DPYS: variants seen among roughly 807,000 people sequenced by gnomAD.
DPYS encodes dihydropyrimidine amidohydrolase.
DPYS carries 39 observed loss-of-function variants against 50.3 expected under a neutral mutation model. The ratio of observed to expected loss-of-function variants is 0.78; its 90% CI spans 0.60 to 1.01. The LOEUF (loss-of-function observed/expected upper bound fraction) is 1.01, where lower values mean the gene tolerates loss of function less well. DPYS is among the 50% of genes least tolerant of loss of function. The pLI is 0.00. For synonymous variants in DPYS, 245 were observed against 250.7 expected (o/e 0.98, Z 0.22); for missense variants, 659 against 680.9 (o/e 0.97, Z 0.36).
chr8:104,445,985 C>A (rs1373970434), intron 3 of DPYS, among the ~76,000 whole-genome samples: 1 of 152,182 alleles, frequency 6.6e-6, no homozygotes, highest in Non-Finnish European at 1.5e-5. Context: ...GTGGAGCTGG[C>A]AGTGAGCTGA....
chr8:104,442,687 G>A (rs185073603), intron 4 of DPYS, among the ~76,000 whole-genome samples: 9 of 152,304 alleles, frequency 5.9e-5, no homozygotes, highest in Admixed American at 2.6e-4. Flanking sequence ...CATTTTAAAA[G>A]TGCACACAGC....
intron 6 of DPYS, among the ~76,000 whole-genome samples, chr8:104,425,511 G>T (rs1328181961): frequency 6.6e-6 from 1 of 151,966 alleles, no homozygotes; most frequent in Admixed American, 6.5e-5. Flanking sequence ...TCACCATGTT[G>T]CCCAGGCTGG....
chr8:104,381,394 C>A (rs147384850), intron 8 of DPYS, 80 bp from the exon 9 acceptor site: 2 of 1,262,722 alleles, frequency 1.6e-6, no homozygotes, highest in African/African-American at 1.5e-5. Flanking sequence ...TTATGAATTG[C>A]GAGAGCTTTA....
At chr8:104,453,897 G>C (rs1813840658) in intron 1 of DPYS, among the ~76,000 whole-genome samples, 1 of 152,188 alleles carries the variant, frequency 6.6e-6, no homozygotes, top group African/African-American at 2.4e-5. Flanking sequence ...GCTATGACAT[G>C]GGTGAAGTTT....
intron 1 of DPYS, among the ~76,000 whole-genome samples, chr8:104,463,185 T>A (rs1403161642): frequency 6.6e-6 from 1 of 152,212 alleles, no homozygotes; most frequent in African/African-American, 2.4e-5. Flanking sequence ...TAATATATCA[T>A]TTTTACTTTA....
chr8:104,419,659 C>T (rs1048843124), intron 7 of DPYS: 1 of 151,742 alleles, frequency 6.6e-6, no homozygotes, highest in Admixed American at 6.6e-5. Context: ...CAACCCGAAG[C>T]TTATAATTAG....
chr8:104,459,835 C>T (rs193108104), intron 1 of DPYS, among the ~76,000 whole-genome samples: 1 of 152,270 alleles, frequency 6.6e-6, no homozygotes, highest in Admixed American at 6.5e-5. Context: ...TGTCCCATAT[C>T]TCCTTCTAAG....
intron 4 of DPYS, among the ~76,000 whole-genome samples, chr8:104,443,072 C>T (rs567933882): frequency 6.6e-6 from 1 of 152,188 alleles, no homozygotes; most frequent in African/African-American, 2.4e-5. Context: ...ATGAATCTTA[C>T]AAAAATACAG....
chr8:104,438,985 C>T lies in DPYS; in HGVS notation c.793+5263G>A, dbSNP rs185125165. Among the ~76,000 whole-genome samples, 753 of 152,002 alleles carry T rather than the reference C, an allele frequency of 5.0e-3. 3 individuals carry two copies. Among genetic ancestry groups the T allele is most frequent in the Middle Eastern group, 0.014 (4 of 294 alleles). ...CCTGGAGGCTGAGGCAGGAAGATTG[C>T]TTGAGCCCAGGAAATTGAGGCTACA... is the stretch of plus-strand genomic sequence containing the variant. On this transcript the variant is annotated intron_variant, in intron 4 of 9. Transcript: ENST00000351513.
At chr8:104,420,739 A>G (rs533512869) in intron 7 of DPYS, 32 of 151,788 alleles carry the variant, frequency 2.1e-4, no homozygotes, top group African/African-American at 7.7e-4. Context: ...GAAAAGAAAG[A>G]CAAAAAGGTC....
chr8:104,447,612 A>T, intron 2 of DPYS, 109 bp from the exon 3 acceptor site: 1 of 1,280,330 alleles, frequency 7.8e-7, no homozygotes, highest in Non-Finnish European at 1.1e-6. Context: ...AAATAAGGAA[A>T]ATAAGGACAA....
chr8:104,422,768 C>T (rs764982174), intron 7 of DPYS, among the ~76,000 whole-genome samples: 5 of 152,190 alleles, frequency 3.3e-5, no homozygotes, highest in Non-Finnish European at 2.9e-5. Flanking sequence ...AAAAGGTCTG[C>T]CTGGTCCCAG....
chr8:104,427,029 CCTCT>C (rs942531535), intron 6 of DPYS, among the ~76,000 whole-genome samples: 5 of 151,746 alleles, frequency 3.3e-5, no homozygotes, highest in African/African-American at 1.2e-4. Context: ...GGTGAAACCC[CCTCT>C]CTATTAAAAA....
At chr8:104,427,907 A>G in intron 6 of DPYS, 73 bp downstream of exon 6, 2 of 1,610,704 alleles carry the variant, frequency 1.2e-6, no homozygotes, top group Non-Finnish European at 1.7e-6. Context: ...AATTTGTGCC[A>G]CTCTGGTCCT....
chr8:104,417,619 T>C (rs1395167822), intron 7 of DPYS, among the ~76,000 whole-genome samples: 3 of 141,304 alleles, frequency 2.1e-5, no homozygotes, highest in Non-Finnish European at 4.6e-5. Flanking sequence ...GTAGGACACA[T>C]ACTTCCGTCA....
chr8:104,399,424 T>G (rs1811714006), intron 7 of DPYS, among the ~76,000 whole-genome samples: 1 of 151,512 alleles, frequency 6.6e-6, no homozygotes, highest in South Asian at 2.1e-4. Flanking sequence ...GGAGCAGGCA[T>G]CATGTATCTT....
At chr8:104,451,618 C>T (rs1430422380) in intron 1 of DPYS, among the ~76,000 whole-genome samples, 3 of 151,798 alleles carry the variant, frequency 2.0e-5, no homozygotes, top group African/African-American at 4.8e-5. Flanking sequence ...ATTGCTTCTG[C>T]AAAAAGAATG....
chr8:104,466,810 G>A lies in DPYS; in HGVS notation c.111C>T (p.His37=), dbSNP rs370264718. 5.9e-6 allele frequency: 9 copies of A among 1,533,552 alleles called. No homozygotes were observed. The highest frequency in any genetic ancestry group is 1.4e-5 in the African/African-American group (1 of 72,558). 95.0% of individuals were successfully genotyped at this position (1,533,552 alleles called of 1,614,324 possible). ...VEDGVVRALG[H]DLLPPGGAPA... ...GAGCGCCCCCGGGAGGCAGCAGGTC[G>A]TGCCCGAGTGCCCGCACCACGCCGT... Residue 37 remains histidine (H), a synonymous_variant, in exon 1 of 10, where the codon CAC becomes CAT. Transcript: ENST00000351513.
chr8:104,427,929 G>A lies in DPYS; in HGVS notation c.1092+51C>T, dbSNP rs372825591. On this transcript the variant is annotated intron_variant, in intron 6 of 9. Transcript: ENST00000351513. ...GCCACTCTGGTCCTCAAATGGGCAG[G>A]ATCCTGGCTGAAGAACTAGGCAAAG... is the stretch of plus-strand genomic sequence containing the variant. 5.0e-6 allele frequency: 8 copies of A among 1,612,674 alleles called. No homozygotes were observed. In the African/African-American group the frequency reaches 5.3e-5, roughly 11 times the overall value.
Sources: gnomAD v4.1 joint callset for allele counts (sites outside exome capture counted in the v4.1 genomes callset) on GRCh38, gnomAD v4.1.1 for gene constraint, MANE v1.5 for transcripts, NCBI Gene and HGNC (gene_info 2026-07-23, HGNC 2026-07-21) for gene names.